The following CNTN4 variants were observed in gnomAD, a reference collection of about 807,000 sequenced individuals.
The protein encoded by CNTN4 is contactin-4.
CNTN4 carries 77 observed loss-of-function variants against 122.5 expected under a neutral mutation model. The ratio of observed to expected loss-of-function variants is 0.63; its 90% CI spans 0.52 to 0.76. CNTN4 has a LOEUF of 0.76. CNTN4 is among the 30% of genes least tolerant of loss of function. The pLI is 0.00. For synonymous variants in CNTN4, 512 were observed against 447.0 expected (o/e 1.15, Z -1.83); for missense variants, 1,256 against 1,259.1 (o/e 1.00, Z 0.04).
At chr3:2,268,506 A>G (rs1403891611) in intron 2 of CNTN4, among the ~76,000 whole-genome samples, 2 of 152,076 alleles carry the variant, frequency 1.3e-5, no homozygotes, top group Non-Finnish European at 2.9e-5. Flanking sequence ...TTATTATATT[A>G]ATAGTATCTG....
chr3:2,280,482 A>G (rs1449783527), intron 2 of CNTN4, among the ~76,000 whole-genome samples: 3 of 152,186 alleles, frequency 2.0e-5, no homozygotes, highest in Admixed American at 6.5e-5. Context: ...ATGAAGAGTA[A>G]TGTTTCTTGC....
At chr3:2,466,793 G>A (rs558063261) in intron 3 of CNTN4, among the ~76,000 whole-genome samples, 3 of 152,160 alleles carry the variant, frequency 2.0e-5, no homozygotes, top group African/African-American at 4.8e-5. Flanking sequence ...GAACAAAATA[G>A]CTCTTTTATG....
intron 4 of CNTN4, among the ~76,000 whole-genome samples, chr3:2,701,206 C>T (rs1286302099): frequency 6.6e-6 from 1 of 152,138 alleles, no homozygotes; most frequent in Non-Finnish European, 1.5e-5. Context: ...TTCCTTGCCC[C>T]ACTTAGCATC....
At chr3:2,103,036 A>G (rs1378146140) in intron 2 of CNTN4, among the ~76,000 whole-genome samples, 2 of 151,964 alleles carry the variant, frequency 1.3e-5, no homozygotes, top group African/African-American at 2.4e-5. Flanking sequence ...ACATTGCCCT[A>G]CTTTGCCCTT....
chr3:2,322,431 G>A (rs1039940377), intron 2 of CNTN4, among the ~76,000 whole-genome samples: 3 of 152,080 alleles, frequency 2.0e-5, no homozygotes, highest in Non-Finnish European at 4.4e-5. Context: ...ACTGAAATAA[G>A]CAAGACACAA....
At chr3:2,693,291 T>A (rs2085843750) in intron 4 of CNTN4, among the ~76,000 whole-genome samples, 1 of 152,198 alleles carries the variant, frequency 6.6e-6, no homozygotes, top group Non-Finnish European at 1.5e-5. Context: ...AATCCCCAGA[T>A]ATATCAAGAT....
At chr3:2,675,220 C>T (rs549468665) in intron 4 of CNTN4, among the ~76,000 whole-genome samples, 1 of 151,934 alleles carries the variant, frequency 6.6e-6, no homozygotes, top group African/African-American at 2.4e-5. Context: ...CCCTTCCTGC[C>T]TCTCCTCACC....
chr3:3,049,944 T>G (rs1299530241), intron 23 of CNTN4, among the ~76,000 whole-genome samples: 1 of 152,172 alleles, frequency 6.6e-6, no homozygotes, highest in East Asian at 1.9e-4. Context: ...GGATCGCACT[T>G]TTGTAGAGTC....
At chr3:2,272,014 T>C in intron 2 of CNTN4, among the ~76,000 whole-genome samples, 1 of 152,170 alleles carries the variant, frequency 6.6e-6, no homozygotes, top group Non-Finnish European at 1.5e-5. Flanking sequence ...GGTTAGCAGG[T>C]TGTAAAACAG....
At chr3:2,260,707 T>G (rs2040799889) in intron 2 of CNTN4, among the ~76,000 whole-genome samples, 1 of 149,078 alleles carries the variant, frequency 6.7e-6, no homozygotes, top group Non-Finnish European at 1.5e-5. Flanking sequence ...TCTTTTCTTT[T>G]CTTTTCTTTT....
chr3:2,555,810 C>G (rs1021730639), intron 3 of CNTN4, among the ~76,000 whole-genome samples: 3 of 152,088 alleles, frequency 2.0e-5, no homozygotes, highest in Non-Finnish European at 4.4e-5. Context: ...AAGTTGGAGG[C>G]TTGATCAGAG....
At chr3:2,708,549 G>C (rs2086884834) in intron 4 of CNTN4, among the ~76,000 whole-genome samples, 1 of 152,158 alleles carries the variant, frequency 6.6e-6, no homozygotes, top group Non-Finnish European at 1.5e-5. Context: ...AAACTGTGAA[G>C]TTTTAATAAA....
intron 9 of CNTN4, among the ~76,000 whole-genome samples, chr3:2,885,123 T>C (rs1029404951): frequency 2.6e-5 from 4 of 152,236 alleles, no homozygotes; most frequent in Middle Eastern, 3.2e-3. Flanking sequence ...CCATCTCAGG[T>C]TTCCCAGAGA....
At chr3:2,572,460 T>C (rs971928593) in intron 4 of CNTN4, among the ~76,000 whole-genome samples, 3 of 152,160 alleles carry the variant, frequency 2.0e-5, no homozygotes, top group Admixed American at 6.5e-5. Context: ...CTGGAAGATA[T>C]GAGTCTAGCA....
At chr3:2,796,479 T>C (rs1183737749) in intron 6 of CNTN4, among the ~76,000 whole-genome samples, 2 of 152,178 alleles carry the variant, frequency 1.3e-5, no homozygotes, top group Non-Finnish European at 2.9e-5. Flanking sequence ...CGGTTTTTAA[T>C]GTGCCCTTAT....
chr3:2,170,508 T>C (rs1414602778), intron 2 of CNTN4, among the ~76,000 whole-genome samples: 7 of 152,334 alleles, frequency 4.6e-5, no homozygotes, highest in African/African-American at 1.7e-4. Flanking sequence ...TCCTCCTAAA[T>C]GGGAAGTCCT....
At chr3:2,440,002 A>T (rs1038937815) in intron 3 of CNTN4, among the ~76,000 whole-genome samples, 10 of 152,346 alleles carry the variant, frequency 6.6e-5, no homozygotes, top group African/African-American at 2.4e-4. Flanking sequence ...GGCAATAAGT[A>T]AATGAGATTA....
intron 7 of CNTN4, among the ~76,000 whole-genome samples, chr3:2,861,234 A>G (rs1297288794): frequency 1.3e-5 from 2 of 152,140 alleles, no homozygotes; most frequent in Non-Finnish European, 2.9e-5. Flanking sequence ...TCTTGACACC[A>G]ATTCCAGAGA....
intron 14 of CNTN4, among the ~76,000 whole-genome samples, chr3:3,002,672 TC>T (rs1421938930): frequency 8.5e-5 from 13 of 152,152 alleles, no homozygotes; most frequent in Non-Finnish European, 1.8e-4. Context: ...GAAAATGAAG[TC>T]CCCTTCTAAT....
Sources: allele counts gnomAD v4.1 joint callset (sites outside exome capture counted in the v4.1 genomes callset), GRCh38; gene constraint gnomAD v4.1.1; transcripts MANE v1.5; gene names NCBI Gene and HGNC (gene_info 2026-07-23, HGNC 2026-07-21).